Variants in TBC1D4 observed in about 807,000 individuals in gnomAD.
The protein encoded by TBC1D4 is TBC (Tre-2, BUB2, CDC16) domain-containing protein.
A neutral mutation model predicts 142.5 loss-of-function variants in TBC1D4; 121 were observed. That is an observed-to-expected ratio of 0.85 (90% CI 0.73 to 0.99). The LOEUF (loss-of-function observed/expected upper bound fraction) is 0.99. TBC1D4 is among the 50% of genes least tolerant of loss of function. The pLI is 0.00. For synonymous variants in TBC1D4, 630 were observed against 628.2 expected, an observed-to-expected ratio of 1.00 and a Z score of -0.04; for missense variants, 1,475 against 1,606.6, an observed-to-expected ratio of 0.92 and a Z score of 1.40.
chr13:75,346,326 TG>T (rs1430245172), intron 5 of TBC1D4, among the ~76,000 whole-genome samples: 1 of 150,400 alleles, frequency 6.6e-6, no homozygotes, highest in Non-Finnish European at 1.5e-5. Context: ...GCCCCCGGCA[TG>T]TGATGTTCCC....
chr13:75,428,566 T>C (rs79065918), intron 1 of TBC1D4, among the ~76,000 whole-genome samples: 2,389 of 152,310 alleles, frequency 0.016, 67 homozygotes, highest in African/African-American at 0.052. Context: ...ATCAAGACTC[T>C]TTTAATCTAA....
At chr13:75,339,642 C>T (rs978746429) in intron 7 of TBC1D4, among the ~76,000 whole-genome samples, 1 of 151,624 alleles carries the variant, frequency 6.6e-6, no homozygotes, top group Non-Finnish European at 1.5e-5. Flanking sequence ...ATGGCATGAT[C>T]TTGGCTCACT....
intron 1 of TBC1D4, among the ~76,000 whole-genome samples, chr13:75,384,678 G>C (rs1884070122): frequency 6.6e-6 from 1 of 151,164 alleles, no homozygotes; most frequent in South Asian, 2.1e-4. Flanking sequence ...ATAAATACCA[G>C]CTAAATGGTT....
chr13:75,316,821 C>A (rs1207828511), intron 12 of TBC1D4, among the ~76,000 whole-genome samples: 1 of 152,110 alleles, frequency 6.6e-6, no homozygotes, highest in Non-Finnish European at 1.5e-5. Context: ...TTTATTACAA[C>A]ATTAGTTATC....
rs1879223690 is a variant in TBC1D4 at position 75,326,123 on chromosome 13, C to G, written c.2033+74G>C. 4 of 1,526,802 alleles carry G rather than the reference C, an allele frequency of 2.6e-6. No homozygotes were observed. The Admixed American group carries it at 7.1e-5, about 27-fold the overall frequency. 94.6% of individuals were successfully genotyped at this position (1,526,802 alleles called of 1,614,324 possible). ...TTGGCTACAGCATAAATTCACAATC[C>G]ACCTTGACTCCAGAGTAATCAAAAC... On this transcript the variant is annotated intron_variant, in intron 10 of 20. Coordinates refer to ENST00000377636, the MANE Select transcript of TBC1D4 (RefSeq NM_014832.5).
At chr13:75,446,554 G>A (rs950014582) in intron 1 of TBC1D4, among the ~76,000 whole-genome samples, 1 of 152,200 alleles carries the variant, frequency 6.6e-6, no homozygotes, top group African/African-American at 2.4e-5. Flanking sequence ...TGACACTTAA[G>A]CTTTCCAGCA....
chr13:75,288,360 C>T (rs147174037), intron 20 of TBC1D4, among the ~76,000 whole-genome samples: 62 of 152,284 alleles, frequency 4.1e-4, no homozygotes, highest in African/African-American at 1.4e-3. Flanking sequence ...TACAGCATGG[C>T]CCAAAAACTT....
intron 1 of TBC1D4, among the ~76,000 whole-genome samples, chr13:75,475,979 A>C (rs149826808): frequency 1.3e-3 from 202 of 152,314 alleles, no homozygotes; most frequent in Non-Finnish European, 2.3e-3. Context: ...GCAGAGGCTC[A>C]TACCTGTAAT....
intron 1 of TBC1D4, among the ~76,000 whole-genome samples, chr13:75,439,882 G>T (rs1196177017): frequency 6.6e-6 from 1 of 151,970 alleles, no homozygotes; most frequent in African/African-American, 2.4e-5. Flanking sequence ...GAAAAGAAAA[G>T]AAAATTAACT....
At chr13:75,374,369 T>A (rs1883384534) in intron 1 of TBC1D4, among the ~76,000 whole-genome samples, 1 of 152,204 alleles carries the variant, frequency 6.6e-6, no homozygotes, top group African/African-American at 2.4e-5. Context: ...AAATTTTATG[T>A]ATGTCAAACA....
At chr13:75,388,399 A>C (rs1884300056) in intron 1 of TBC1D4, among the ~76,000 whole-genome samples, 1 of 152,222 alleles carries the variant, frequency 6.6e-6, no homozygotes, top group African/African-American at 2.4e-5. Context: ...TTGGTATGCC[A>C]TTCCCATTTT....
chr13:75,324,278 C>G lies in TBC1D4; in HGVS notation c.2157G>C (p.Gln719His), dbSNP rs375371357. 1 of 1,613,730 alleles carries G rather than the reference C, an allele frequency of 6.2e-7. No individual in the cohort carries two copies. Among genetic ancestry groups the G allele is most frequent in the African/African-American group, 1.3e-5 (1 of 74,880 alleles). Residue 719 changes from glutamine (Q) to histidine (H), a missense_variant, in exon 11 of 21, where the codon CAG (glutamine) becomes CAC (histidine). By Grantham distance (24) the Gln-to-His change is conservative. This residue lies in a region of TBC1D4 where 1,227 missense variants were observed against 1,267.7 expected (regional missense o/e 0.97). Coordinates refer to ENST00000377636, the MANE Select transcript of TBC1D4 (RefSeq NM_014832.5). ...ACTGTGGGGACAGTCTACCTGAATT[C>G]TGGTAAAAGCTTTTCAGGAAAGAGG... Reference protein sequence around the residue: ...TAPSFLKSFYQNSGRLSPQYE... With the variant: ...TAPSFLKSFYHNSGRLSPQYE...
rs1566354309 is a variant in TBC1D4, at chr13:75,302,310, AG to A, written c.2843del (p.Pro948LeufsTer9). The A allele has an allele frequency of 6.2e-7, 1 of 1,614,232 alleles. No individual in the cohort carries two copies. The highest frequency in any genetic ancestry group is 8.5e-7 in the Non-Finnish European group (1 of 1,180,042). ...RHRLPNKQQP[P>X]DISYKELLKQ... ...TCAAAAGTTCCTTATAGGATATGTC[AG>A]GAGGCTGTTGTTTATTAGGCAATCT... On this transcript the variant is annotated frameshift_variant, in exon 16 of 21. Coordinates refer to ENST00000377636, the MANE Select transcript of TBC1D4 (RefSeq NM_014832.5). LOFTEE classifies it high-confidence loss of function.
At chr13:75,428,184 G>C (rs749912758) in intron 1 of TBC1D4, among the ~76,000 whole-genome samples, 7 of 152,108 alleles carry the variant, frequency 4.6e-5, no homozygotes, top group African/African-American at 1.7e-4. Flanking sequence ...GGAGGACTTG[G>C]GGGGAGTAGA....
chr13:75,466,405 A>G (rs1349467205), intron 1 of TBC1D4, among the ~76,000 whole-genome samples: 1 of 152,224 alleles, frequency 6.6e-6, no homozygotes, highest in Non-Finnish European at 1.5e-5. Flanking sequence ...TAAAGCAGAA[A>G]ATATACATAA....
chr13:75,373,478 T>C (rs752202194), intron 1 of TBC1D4, among the ~76,000 whole-genome samples: 9 of 152,084 alleles, frequency 5.9e-5, no homozygotes, highest in Non-Finnish European at 8.8e-5. Flanking sequence ...GGAAAGGCAA[T>C]AGCAAGCAAC....
chr13:75,393,202 C>G (rs927870280), intron 1 of TBC1D4, among the ~76,000 whole-genome samples: 1 of 149,932 alleles, frequency 6.7e-6, no homozygotes. Flanking sequence ...TTGTTTTTTC[C>G]TTCCTTTTGC....
chr13:75,438,567 A>T (rs1205532002), intron 1 of TBC1D4, among the ~76,000 whole-genome samples: 1 of 152,224 alleles, frequency 6.6e-6, no homozygotes, highest in Admixed American at 6.5e-5. Context: ...TAACAATGAT[A>T]GATCTAAAAG....
chr13:75,320,076 A>T, intron 11 of TBC1D4, 39 bp from the exon 12 acceptor site: 3 of 1,610,786 alleles, frequency 1.9e-6, no homozygotes, highest in Non-Finnish European at 2.5e-6. Context: ...ATTAGCACAC[A>T]CAAATATGTC....
Sources: allele counts gnomAD v4.1 joint callset (sites outside exome capture counted in the v4.1 genomes callset), GRCh38; gene constraint gnomAD v4.1.1; regional missense constraint gnomAD v4.1.1; transcripts MANE v1.5; gene names NCBI Gene and HGNC (gene_info 2026-07-23, HGNC 2026-07-21).